ANKMY1: variants seen among roughly 807,000 people sequenced by gnomAD.
The protein encoded by ANKMY1 is ankyrin repeat and MYND domain containing 1, also known as ankyrin repeat and MYND domain-containing protein 1.
ANKMY1 carries 98 observed loss-of-function variants against 102.0 expected under a neutral mutation model. The observed-to-expected ratio is 0.96, with a 90% CI of 0.82 to 1.14. The LOEUF (loss-of-function observed/expected upper bound fraction) is 1.14. Among genes scored for constraint, ANKMY1 ranks in the 50% most tolerant of loss-of-function variants. The pLI is 0.00. For missense variants in ANKMY1, 1,330 were observed against 1,347.6 expected, an observed-to-expected ratio of 0.99 and a Z score of 0.20; for synonymous variants, 582 against 559.9, an observed-to-expected ratio of 1.04 and a Z score of -0.56.
At chr2:240,504,499 A>C (rs1203164037) in intron 13 of ANKMY1, among the ~76,000 whole-genome samples, 1 of 152,252 alleles carries the variant, frequency 6.6e-6, no homozygotes, top group Non-Finnish European at 1.5e-5. Flanking sequence ...AAACTTTTGT[A>C]TATCAAAATA....
chr2:240,526,267 C>A lies in ANKMY1; in HGVS notation c.1132G>T (p.Ala378Ser). Residue 378 changes from alanine (A) to serine (S), a missense_variant, in exon 6 of 18, where the codon GCG becomes TCG. Transcript: ENST00000401804. ...LKDNFASADVADAKGYTVLAA... is the reference protein window; with the variant it reads ...LKDNFASADVSDAKGYTVLAA... ...AGCACAGTGTAGCCCTTTGCGTCCG[C>A]CACGTCAGCACTAGCAAAGTTGTCC... is the stretch of plus-strand genomic sequence containing the variant. 1 of 1,614,138 alleles carries A rather than the reference C, an allele frequency of 6.2e-7. No individual in the cohort carries two copies. The highest frequency in any genetic ancestry group is 1.1e-5 in the South Asian group (1 of 91,086).
At chr2:240,521,115 C>T (rs2082157637) in intron 8 of ANKMY1, among the ~76,000 whole-genome samples, 1 of 152,110 alleles carries the variant, frequency 6.6e-6, no homozygotes, top group Non-Finnish European at 1.5e-5. Context: ...GGTTGTGCAG[C>T]CGCGCAGGGC....
intron 5 of ANKMY1, chr2:240,526,721 G>A: frequency 7.3e-7 from 1 of 1,363,514 alleles, no homozygotes; most frequent in South Asian, 1.5e-5. Flanking sequence ...GTACATCCAT[G>A]CATCTCTGAT....
Position 240,524,295 on chromosome 2 carries a change from C to G in ANKMY1, c.1422G>C (p.Val474=). The G allele has an allele frequency of 6.2e-7, 1 of 1,613,820 alleles. No homozygotes were observed. The highest frequency in any genetic ancestry group is 8.5e-7 in the Non-Finnish European group (1 of 1,180,032). The change falls in exon 8 of 18, where the codon GTG becomes GTC. Residue 474 remains valine (V), a synonymous_variant. Coordinates refer to ENST00000401804, the MANE Select transcript of ANKMY1 (RefSeq NM_001282771.3). The part of the protein sequence containing the change: ...NLESLYYEVN[V]PSQGSYELRP... ...TCAGCTCATAGCTACCCTGGGAAGG[C>G]ACGTTCACCTCATAGTACAGAGACT...
intron 8 of ANKMY1, chr2:240,523,376 C>G (rs2082685598): frequency 6.2e-6 from 1 of 162,190 alleles, no homozygotes; most frequent in Non-Finnish European, 1.4e-5. Context: ...AGAAGGCTAA[C>G]AGAGTCTCAG....
intron 8 of ANKMY1, chr2:240,521,962 A>G (rs956636442): frequency 1.3e-5 from 2 of 152,240 alleles, no homozygotes; most frequent in Non-Finnish European, 2.9e-5. Context: ...ATTTATTGTG[A>G]AGACTGAAAG....
intron 9 of ANKMY1, among the ~76,000 whole-genome samples, chr2:240,518,070 C>T (rs2081500597): frequency 6.6e-6 from 1 of 152,176 alleles, no homozygotes; most frequent in Non-Finnish European, 1.5e-5. Context: ...TGGCCTGATT[C>T]CTCATGATTG....
At position 240,523,805 on chromosome 2, in the gene ANKMY1, G is replaced by A. The variant is rs1243851692; in HGVS notation, c.1832+80C>T. On this transcript the variant is annotated intron_variant, in intron 8 of 17. Coordinates refer to ENST00000401804, the MANE Select transcript of ANKMY1 (RefSeq NM_001282771.3). Reference sequence around the variant, plus strand: ...ACACAACGCCTCCCACTGGCACAGGGAAGAGACGTGGGTCTGCTGAGCATA... The same window carrying A: ...ACACAACGCCTCCCACTGGCACAGGAAAGAGACGTGGGTCTGCTGAGCATA... 2.0e-6 allele frequency: 3 copies of A among 1,537,348 alleles called. No homozygotes were observed. In the African/African-American group the frequency reaches 4.1e-5, roughly 21 times the overall value.
rs545735696 is a variant in ANKMY1, at chr2:240,520,354, G to A, written c.2004+8C>T. 20 of 1,534,478 alleles carry A rather than the reference G, an allele frequency of 1.3e-5. No homozygotes were observed. In the East Asian group the frequency reaches 4.9e-4, roughly 37 times the overall value. ...CTCGTCCCGGCGCCCGCCCGCCGCG[G>A]CTCCTACCTGCGGCGGAAAGCAGAT... On this transcript the variant is annotated splice_region_variant and intron_variant, in intron 9 of 17. Transcript: ENST00000401804. This position sits in a 1 kb window ranked among gnomAD's most constrained non-coding sequence, Gnocchi z 4.8.
At chr2:240,488,497 T>A (rs2076300741) in intron 15 of ANKMY1, among the ~76,000 whole-genome samples, 1 of 152,220 alleles carries the variant, frequency 6.6e-6, no homozygotes, top group African/African-American at 2.4e-5. Context: ...TTTTTCTGTT[T>A]TCGTGAAGAA....
intron 15 of ANKMY1, among the ~76,000 whole-genome samples, chr2:240,498,330 G>A (rs770808077): frequency 1.3e-5 from 2 of 151,510 alleles, no homozygotes; most frequent in African/African-American, 2.4e-5. Context: ...CATGTGTGAC[G>A]GCACATAAGT....
rs567100154 is a variant in ANKMY1, at chr2:240,494,102, C to T, written c.2806+5856G>A. Among the ~76,000 whole-genome samples, 16 of 152,134 alleles carry T rather than the reference C, an allele frequency of 1.1e-4. 1 individual carries two copies. Among genetic ancestry groups the T allele is most frequent in the African/African-American group, 3.6e-4 (15 of 41,520 alleles). On this transcript the variant is annotated intron_variant, in intron 15 of 17. Coordinates refer to ENST00000401804, the MANE Select transcript of ANKMY1 (RefSeq NM_001282771.3). Reference sequence around the variant, plus strand: ...ACCTCAGGCCCCCAGGAGGAGTGCTCTGTCTTGAAGCCAGGCTGGGTGGGC... The same window carrying T: ...ACCTCAGGCCCCCAGGAGGAGTGCTTTGTCTTGAAGCCAGGCTGGGTGGGC...
chr2:240,554,799 TG>T, intron 3 of ANKMY1, 66 bp downstream of exon 3: 1 of 1,574,732 alleles, frequency 6.4e-7, no homozygotes, highest in Middle Eastern at 1.7e-4. Context: ...CCATCACTCT[TG>T]GAAGGATAAA....
intron 4 of ANKMY1, among the ~76,000 whole-genome samples, chr2:240,537,656 T>C (rs4676430): frequency 0.73 from 111,655 of 152,166 alleles, 41,345 homozygotes; most frequent in South Asian, 0.84. Flanking sequence ...GAGGCCCGTG[T>C]TTCATGTTGA....
At chr2:240,487,860 G>A (rs79107705) in intron 15 of ANKMY1, among the ~76,000 whole-genome samples, 19,012 of 152,032 alleles carry the variant, frequency 0.13, 1,359 homozygotes, top group Non-Finnish European at 0.16. Flanking sequence ...TGAGTACCCT[G>A]TATATTCTGA....
upstream of ANKMY1, among the ~76,000 whole-genome samples, chr2:240,559,098 G>A (rs1274355410): frequency 1.3e-5 from 2 of 152,198 alleles, no homozygotes; most frequent in Non-Finnish European, 1.5e-5. Context: ...TGGGGGACTA[G>A]CACCAAGTCC....
chr2:240,520,366 G>A lies in ANKMY1; in HGVS notation c.2000C>T (p.Pro667Leu). 3 of 1,548,512 alleles carry A rather than the reference G, an allele frequency of 1.9e-6. No homozygotes were observed. The highest frequency in any genetic ancestry group is 1.4e-5 in the African/African-American group (1 of 73,246). The stretch of plus-strand genomic sequence containing the variant: ...CCCGCCCGCCGCGGCTCCTACCTGC[G>A]GCGGAAAGCAGATGTCGGTCCTCGC... ...HGARTDICFP[P>L]QLSTLTPLHI... Residue 667 changes from proline (P) to leucine (L), a missense_variant, in exon 9 of 18, where the codon CCG becomes CTG. Physicochemically the swap from Pro to Leu is moderately conservative, Grantham distance 98. Coordinates refer to ENST00000401804, the MANE Select transcript of ANKMY1 (RefSeq NM_001282771.3). The surrounding 1 kb of genome is among the most constrained non-coding windows in gnomAD (Gnocchi z 4.8).
chr2:240,509,638 G>T (rs1367792511), intron 11 of ANKMY1, among the ~76,000 whole-genome samples, 183 bp from the exon 12 acceptor site: 1 of 152,210 alleles, frequency 6.6e-6, no homozygotes, highest in Non-Finnish European at 1.5e-5. Flanking sequence ...AGGTGAATGG[G>T]TTGGGAGGTG....
Position 240,511,984 on chromosome 2 carries a change from T to C in ANKMY1, c.2163A>G (p.Ser721=), listed in dbSNP as rs778079122. Residue 721 remains serine (S), a synonymous_variant, in exon 11 of 18, where the codon TCA becomes TCG. Transcript: ENST00000401804. ...YKPGKLDLLP[S]SLKLSNEPGP... is the part of the protein sequence containing the mutation. ...CTGGCTCATTGCTGAGCTTCAGACT[T>C]GAGGGCAGCAGGTCCAGCTGTGTAA... The C allele has an allele frequency of 6.4e-7, 1 of 1,559,724 alleles. No individual in the cohort carries two copies. Among genetic ancestry groups the C allele is most frequent in the South Asian group, 1.2e-5 (1 of 85,624 alleles).
Sources: allele counts gnomAD v4.1 joint callset (sites outside exome capture counted in the v4.1 genomes callset), GRCh38; gene constraint gnomAD v4.1.1; non-coding constraint Gnocchi (gnomAD v3.1); transcripts MANE v1.5; gene names NCBI Gene and HGNC (gene_info 2026-07-23, HGNC 2026-07-21).